KAT14: variants seen among roughly 807,000 people sequenced by gnomAD.
KAT14 encodes lysine acetyltransferase 14, also known as cysteine-rich protein 2-binding protein.
KAT14 carries 66 observed loss-of-function variants against 78.4 expected under a neutral mutation model. The ratio of observed to expected loss-of-function variants is 0.84; its 90% CI spans 0.69 to 1.03. The LOEUF is 1.03. Ranked by LOEUF, KAT14 falls within the 50% of genes least tolerant of loss-of-function variation. KAT14 has a pLI of 0.00. For synonymous variants in KAT14, 344 were observed against 359.4 expected (o/e 0.96, Z 0.48); for missense variants, 870 against 972.5 (o/e 0.89, Z 1.40).
intron 3 of KAT14, among the ~76,000 whole-genome samples, chr20:18,149,583 G>A (rs575091875): frequency 3.3e-5 from 5 of 151,976 alleles, no homozygotes; most frequent in African/African-American, 7.2e-5. Context: ...TGCTCTTTCC[G>A]TAAGACTGCT....
At chr20:18,138,222 G>A (rs2037373287) in intron 1 of KAT14, 171 bp downstream of exon 1, 1 of 1,259,706 alleles carries the variant, frequency 7.9e-7, no homozygotes, top group African/African-American at 1.6e-5. Flanking sequence ...GCTCTGCTGG[G>A]CTCCGGGCGC....
intron 7 of KAT14, among the ~76,000 whole-genome samples, chr20:18,174,780 C>T (rs1335687729): frequency 1.3e-5 from 2 of 151,668 alleles, no homozygotes; most frequent in Non-Finnish European, 2.9e-5. Flanking sequence ...TCTCCTGCCT[C>T]AGCCACCGAA....
At chr20:18,160,001 C>T (rs1284990666) in intron 5 of KAT14, among the ~76,000 whole-genome samples, 2 of 152,190 alleles carry the variant, frequency 1.3e-5, no homozygotes, top group African/African-American at 4.8e-5. Context: ...GCAACCTCTG[C>T]CTCCTAGGTT....
Position 18,150,843 on chromosome 20 carries a change from A to G in KAT14, c.401A>G (p.Asn134Ser), listed in dbSNP as rs1394867868. Residue 134 changes from asparagine (N) to serine (S), a missense_variant, in exon 4 of 11, where the codon AAC (asparagine) becomes AGC (serine). By Grantham distance (46) the Asn-to-Ser change is conservative (BLOSUM62 1). Transcript: ENST00000688188. ...CAGGTCGTCATGTTGGCAATGTACAACTTGTCTCTGGAAGGAAGTGGACGT... is the reference window on the plus strand; with the variant it reads ...CAGGTCGTCATGTTGGCAATGTACAGCTTGTCTCTGGAAGGAAGTGGACGT... ...WQQVVMLAMY[N>S]LSLEGSGRQG... 1.9e-6 allele frequency: 3 copies of G among 1,613,950 alleles called. No homozygotes were observed. The highest frequency in any genetic ancestry group is 2.2e-5 in the East Asian group (1 of 44,892).
Position 18,141,036 on chromosome 20 carries a change from TTTTTTTTTTTA to T in KAT14, c.-453-1166_-453-1156del, listed in dbSNP as rs1306899594. On this transcript the variant is annotated intron_variant, in intron 1 of 10. Transcript: ENST00000688188. ...CCACTCCCTGCAATTTTTTTTTTTT[TTTTTTTTTTTA>T]TTTTTATTTTTGCTAGAGATGGGAT... Among the ~76,000 whole-genome samples the T allele has an allele frequency of 1.8e-3, 39 of 21,356 alleles. 1 individual carries two copies. The highest frequency in any genetic ancestry group is 4.0e-3 in the African/African-American group (34 of 8,540). The allele number at this position is 21,356 out of a possible 152,430, so 14.0% of individuals were successfully genotyped here.
At chr20:18,148,509 G>A (rs1231281795) in intron 3 of KAT14, among the ~76,000 whole-genome samples, 1 of 152,134 alleles carries the variant, frequency 6.6e-6, no homozygotes, top group Non-Finnish European at 1.5e-5. Context: ...CCAGCTCTGA[G>A]CTAGGCCCTG....
At chr20:18,149,265 T>G (rs1379751277) in intron 3 of KAT14, among the ~76,000 whole-genome samples, 1 of 152,222 alleles carries the variant, frequency 6.6e-6, no homozygotes, top group Non-Finnish European at 1.5e-5. Flanking sequence ...TGCAGTGGAA[T>G]TAAGTACATT....
Position 18,141,023 on chromosome 20 carries a change from A to ATTTTTTTTTTTTTTTT in KAT14, c.-453-1177_-453-1162dup, listed in dbSNP as rs67633205. Among the ~76,000 whole-genome samples the ATTTTTTTTTTTTTTTT allele has an allele frequency of 2.1e-4, 10 of 48,744 alleles. 1 individual carries two copies. Among genetic ancestry groups the ATTTTTTTTTTTTTTTT allele is most frequent in the Admixed American group, 5.9e-4 (2 of 3,374 alleles). The allele number at this position is 48,744 out of a possible 152,430, so 32.0% of individuals were successfully genotyped here. A position where few individuals can be genotyped will look rare whatever the true frequency, so the allele number is the denominator to read the frequency against. On this transcript the variant is annotated intron_variant, in intron 1 of 10. Transcript: ENST00000688188. ...CAGGCACACACCACCACTCCCTGCA[A>ATTTTTTTTTTTTTTTT]TTTTTTTTTTTTTTTTTTTTTTTAT...
chr20:18,187,486 A>G lies in KAT14; in HGVS notation c.*27A>G, dbSNP rs771917578. ...GCGAATACAGCTCACAGAGAAACGCATGTGCTATTGGAGAACAGGTCTTTG... is the reference window on the plus strand; with the variant it reads ...GCGAATACAGCTCACAGAGAAACGCGTGTGCTATTGGAGAACAGGTCTTTG... On this transcript the variant is annotated 3_prime_UTR_variant, in exon 11 of 11. Coordinates refer to ENST00000688188, the MANE Select transcript of KAT14 (RefSeq NM_001392073.1). 8.1e-6 allele frequency: 13 copies of G among 1,613,072 alleles called. No homozygotes were observed. In the South Asian group the frequency reaches 1.4e-4, roughly 18 times the overall value.
In KAT14 at chr20:18,138,081, C is replaced by G; in HGVS notation, c.-454+30C>G. 2.1e-6 allele frequency: 3 copies of G among 1,443,672 alleles called. No homozygotes were observed. In the South Asian group the frequency reaches 4.0e-5, roughly 19 times the overall value. The allele number at this position is 1,443,672 out of a possible 1,614,324, so 89.4% of individuals were successfully genotyped here. On this transcript the variant is annotated intron_variant, in intron 1 of 10. Transcript: ENST00000688188. The stretch of plus-strand genomic sequence containing the variant: ...GTGTCACGTGACCGTCTCTTCCGGG[C>G]CCGCGCGCGCGGCGTCGACCTGGGG...
At chr20:18,148,902 G>C (rs998273860) in intron 3 of KAT14, among the ~76,000 whole-genome samples, 1 of 152,140 alleles carries the variant, frequency 6.6e-6, no homozygotes, top group East Asian at 1.9e-4. Context: ...GAGCCACCAT[G>C]CCCGGCCTGG....
chr20:18,164,039 A>C (rs2038544585), intron 7 of KAT14, among the ~76,000 whole-genome samples: 2 of 152,226 alleles, frequency 1.3e-5, no homozygotes, highest in Non-Finnish European at 2.9e-5. Flanking sequence ...GTAGTGAATG[A>C]GTGTGGCTGT....
chr20:18,138,746 A>G (rs1201926807), intron 1 of KAT14, among the ~76,000 whole-genome samples: 1 of 152,132 alleles, frequency 6.6e-6, no homozygotes, highest in African/African-American at 2.4e-5. Flanking sequence ...CCTGCTGATC[A>G]GCAGTGACTA....
At chr20:18,145,030 AC>A in intron 2 of KAT14, 2 of 1,254,968 alleles carry the variant, frequency 1.6e-6, no homozygotes, top group Non-Finnish European at 2.0e-6. Flanking sequence ...ACTGGATCCT[AC>A]AGATCTTAGT....
At chr20:18,157,850 A>G (rs2038278388) in intron 4 of KAT14, among the ~76,000 whole-genome samples, 1 of 152,040 alleles carries the variant, frequency 6.6e-6, no homozygotes, top group Non-Finnish European at 1.5e-5. Context: ...TGTATTTATT[A>G]GAGAGGATTT....
chr20:18,184,186 G>C (rs1568676264), intron 9 of KAT14, among the ~76,000 whole-genome samples: 1 of 152,218 alleles, frequency 6.6e-6, no homozygotes, highest in Non-Finnish European at 1.5e-5. Context: ...GGGGGGTAAA[G>C]GATGTGATAG....
Position 18,161,882 on chromosome 20 carries a change from C to T in KAT14, c.742C>T (p.Arg248Trp), listed in dbSNP as rs2038437751. Reference protein sequence around the residue: ...TVEGLRKRASRNPVESAMELK... With the variant: ...TVEGLRKRASWNPVESAMELK... ...TGAGGGACTTAGAAAACGAGCAAGT[C>T]GGAATCCTGTGGAATCTGCCATGGA... The change falls in exon 6 of 11, where the codon CGG becomes TGG. Residue 248 changes from arginine to tryptophan, a missense_variant. Coordinates refer to ENST00000688188, the MANE Select transcript of KAT14 (RefSeq NM_001392073.1). 1.9e-6 allele frequency: 3 copies of T among 1,614,042 alleles called. No individual in the cohort carries two copies. Among genetic ancestry groups the T allele is most frequent in the Admixed American group, 1.7e-5 (1 of 60,000 alleles).
rs996573001 is a variant in KAT14 at position 18,161,756 on chromosome 20, A to G, written c.683-67A>G. On this transcript the variant is annotated intron_variant, in intron 5 of 10. Coordinates refer to ENST00000688188, the MANE Select transcript of KAT14 (RefSeq NM_001392073.1). Reference sequence around the variant, plus strand: ...CAAAAGCCGAAAACATCTGAAATCCAAAACATGCTTGTGCCCAAGCATTTC... The same window carrying G: ...CAAAAGCCGAAAACATCTGAAATCCGAAACATGCTTGTGCCCAAGCATTTC... 68 of 1,537,994 alleles carry G rather than the reference A, an allele frequency of 4.4e-5. No homozygotes were observed. The African/African-American group carries it at 8.5e-4, about 19-fold the overall frequency.
At chr20:18,174,726 C>T (rs1174642653) in intron 7 of KAT14, among the ~76,000 whole-genome samples, 2 of 149,186 alleles carry the variant, frequency 1.3e-5, no homozygotes, top group African/African-American at 4.9e-5. Flanking sequence ...TATAGTGATG[C>T]GATCTCGGCT....
Sources: gnomAD v4.1 joint callset for allele counts (sites outside exome capture counted in the v4.1 genomes callset) on GRCh38, gnomAD v4.1.1 for gene constraint, MANE v1.5 for transcripts, NCBI Gene and HGNC (gene_info 2026-07-23, HGNC 2026-07-21) for gene names.